UBE3C: variants seen among roughly 807,000 people sequenced by gnomAD.
The protein encoded by UBE3C is ubiquitin protein ligase E3C, also known as ubiquitin-protein ligase E3C.
UBE3C carries 42 observed loss-of-function variants against 129.4 expected under a neutral mutation model. That is an observed-to-expected ratio of 0.32 (90% CI 0.25 to 0.42). The LOEUF (loss-of-function observed/expected upper bound fraction) is 0.42. Ranked by LOEUF, UBE3C falls within the 10% of genes least tolerant of loss-of-function variation. The pLI, the probability that UBE3C is intolerant of heterozygous loss-of-function variation, is 1.00. For synonymous variants in UBE3C, 510 were observed against 492.4 expected (o/e 1.04, Z -0.47); for missense variants, 1,049 against 1,319.1 (o/e 0.80, Z 3.17).
chr7:157,219,339 T>C (rs149291005), intron 14 of UBE3C, among the ~76,000 whole-genome samples: 1,557 of 152,298 alleles, frequency 0.01, 25 homozygotes, highest in African/African-American at 0.035. Flanking sequence ...CACCAGCTGG[T>C]AGTACGGTGC....
At chr7:157,201,524 C>T (rs1041378651) in intron 10 of UBE3C, among the ~76,000 whole-genome samples, 197 bp from the exon 11 acceptor site, 6 of 150,834 alleles carry the variant, frequency 4.0e-5, no homozygotes, top group African/African-American at 1.2e-4. Flanking sequence ...CACAGATTTA[C>T]ACCTTTGGGA....
At chr7:157,212,162 A>C (rs1809613168) in intron 13 of UBE3C, among the ~76,000 whole-genome samples, 1 of 152,210 alleles carries the variant, frequency 6.6e-6, no homozygotes. Flanking sequence ...TGCTTTTTAA[A>C]GAACTAACTC....
intron 1 of UBE3C, among the ~76,000 whole-genome samples, chr7:157,154,526 C>A (rs1807850103): frequency 6.6e-6 from 1 of 152,058 alleles, no homozygotes; most frequent in South Asian, 2.1e-4. Flanking sequence ...TCCATATCGG[C>A]ATCTTTATAT....
chr7:157,205,117 T>C (rs1435774863), intron 11 of UBE3C, among the ~76,000 whole-genome samples: 2 of 152,222 alleles, frequency 1.3e-5, no homozygotes, highest in Non-Finnish European at 2.9e-5. Flanking sequence ...TGACCTGTTT[T>C]CAGAGGAATA....
rs1472061141 is a variant in UBE3C at position 157,268,153 on chromosome 7, T to TA, written c.*399dup. On this transcript the variant is annotated 3_prime_UTR_variant, in exon 23 of 23. Coordinates refer to ENST00000348165, the MANE Select transcript of UBE3C (RefSeq NM_014671.3). ...GACAGGGCTGCACAGGCGGCAGAGA[T>TA]ACAGGGTCTGAGGGCTGAGACGCCA... 2 of 156,878 alleles carry TA rather than the reference T, an allele frequency of 1.3e-5. No homozygotes were observed. The highest frequency in any genetic ancestry group is 1.3e-4 in the Admixed American group (2 of 15,386). The allele number at this position is 156,878 out of a possible 1,614,324, so 9.7% of individuals were successfully genotyped here. A position where few individuals can be genotyped will look rare whatever the true frequency, so the allele number is the denominator to read the frequency against.
intron 10 of UBE3C, among the ~76,000 whole-genome samples, chr7:157,187,999 G>A (rs1467766233): frequency 2.0e-5 from 3 of 152,252 alleles, no homozygotes; most frequent in Admixed American, 2.0e-4. Flanking sequence ...TAAAAATATG[G>A]CCTGTTTGTG....
At position 157,242,537 on chromosome 7, in the gene UBE3C, T is replaced by TA. The variant is rs1554436968; in HGVS notation, c.2482-5828dup. Among the ~76,000 whole-genome samples, 1,730 of 140,488 alleles carry TA rather than the reference T, an allele frequency of 0.012. 72 individuals carry two copies. In the East Asian group the frequency reaches 0.12, roughly 10 times the overall value. The allele number at this position is 140,488 out of a possible 152,430, so 92.2% of individuals were successfully genotyped here. ...TTGTTTTTTTTTTTTTTTTTTTTTT[T>TA]AAATTCCTACTGTCTTTCAGAAGCA... is the stretch of plus-strand genomic sequence containing the variant. On this transcript the variant is annotated intron_variant, in intron 18 of 22. Coordinates refer to ENST00000348165, the MANE Select transcript of UBE3C (RefSeq NM_014671.3).
chr7:157,188,346 A>G (rs1051752156), intron 10 of UBE3C, among the ~76,000 whole-genome samples: 1 of 152,222 alleles, frequency 6.6e-6, no homozygotes, highest in African/African-American at 2.4e-5. Context: ...ATGGCCTTGT[A>G]AACACTAATG....
chr7:157,266,924 T>C (rs1016132611), intron 22 of UBE3C, among the ~76,000 whole-genome samples: 2 of 152,068 alleles, frequency 1.3e-5, no homozygotes, highest in South Asian at 4.1e-4. Context: ...TTATTTTTAG[T>C]GGAAATGAGG....
chr7:157,185,372 A>C (rs940745131), intron 9 of UBE3C, among the ~76,000 whole-genome samples: 74 of 152,202 alleles, frequency 4.9e-4, no homozygotes, highest in African/African-American at 1.6e-3. Context: ...ATATTACTCT[A>C]TATTCTTTTT....
rs556673204 is a variant in UBE3C, at chr7:157,220,716, A to G, written c.1942A>G (p.Arg648Gly). The part of the protein sequence containing the change: ...KVTQLYVPAS[R>G]HVWRFRRMGR... ...CACTCAGCTCTATGTGCCAGCATCCAGACATGTGTGGAGGTTCCGGCGGAT... is the reference window on the plus strand; with the variant it reads ...CACTCAGCTCTATGTGCCAGCATCCGGACATGTGTGGAGGTTCCGGCGGAT... Residue 648 changes from arginine (R) to glycine (G), a missense_variant, in exon 15 of 23, where the codon AGA becomes GGA. Transcript: ENST00000348165. 6.2e-7 allele frequency: 1 copy of G among 1,614,184 alleles called. No homozygotes were observed. Among genetic ancestry groups the G allele is most frequent in the East Asian group, 2.2e-5 (1 of 44,892 alleles).
chr7:157,242,467 A>G (rs1007642925), intron 18 of UBE3C, among the ~76,000 whole-genome samples: 1 of 150,956 alleles, frequency 6.6e-6, no homozygotes, highest in Non-Finnish European at 1.5e-5. Context: ...CTAATTGTTG[A>G]AAATAGTTCT....
chr7:157,192,336 G>T, intron 10 of UBE3C: 4 of 565,210 alleles, frequency 7.1e-6, no homozygotes, highest in Non-Finnish European at 9.8e-6. Flanking sequence ...CTTCCTTTTC[G>T]ATCCGCCATC....
At chr7:157,171,652 TAA>T (rs1323300049) in intron 4 of UBE3C, among the ~76,000 whole-genome samples, 13 of 139,636 alleles carry the variant, frequency 9.3e-5, no homozygotes, top group Middle Eastern at 3.3e-3. Flanking sequence ...TATACATTTT[TAA>T]ATATTTTATA....
At chr7:157,179,613 C>T (rs937079879) in intron 6 of UBE3C, among the ~76,000 whole-genome samples, 3 of 152,124 alleles carry the variant, frequency 2.0e-5, no homozygotes, top group Non-Finnish European at 4.4e-5. Flanking sequence ...CTCCTGGGCT[C>T]GAGAAGTATT....
chr7:157,238,153 A>G (rs1796201482), intron 18 of UBE3C, among the ~76,000 whole-genome samples: 1 of 152,222 alleles, frequency 6.6e-6, no homozygotes. Context: ...ATAAAAGCCA[A>G]ATGAAGGTAT....
chr7:157,250,983 A>C (rs970964398), intron 19 of UBE3C, among the ~76,000 whole-genome samples: 1 of 152,238 alleles, frequency 6.6e-6, no homozygotes, highest in Admixed American at 6.5e-5. Context: ...GGAATCTGTT[A>C]AAAGCAAAAG....
chr7:157,178,792 T>C lies in UBE3C; in HGVS notation c.561T>C (p.Asp187=), dbSNP rs1308784140. 4 of 1,614,136 alleles carry C rather than the reference T, an allele frequency of 2.5e-6. No individual in the cohort carries two copies. The highest frequency in any genetic ancestry group is 1.3e-5 in the African/African-American group (1 of 74,954). The change falls in exon 6 of 23, where the codon GAT becomes GAC. Residue 187 remains aspartate (D), a synonymous_variant. Transcript: ENST00000348165. ...SENTYLPVLQ[D]ASYVVSVIEQ... is the part of the protein sequence containing the mutation. Reference sequence around the variant, plus strand: ...ATACTTACTTGCCTGTTTTACAAGATGCTAGCTATGTGGTGTCAGTGATTG... The same window carrying C: ...ATACTTACTTGCCTGTTTTACAAGACGCTAGCTATGTGGTGTCAGTGATTG...
At chr7:157,232,506 C>A (rs558911885) in intron 18 of UBE3C, among the ~76,000 whole-genome samples, 1 of 152,116 alleles carries the variant, frequency 6.6e-6, no homozygotes, top group Non-Finnish European at 1.5e-5. Flanking sequence ...TGCACCACCA[C>A]GCCCAGCTAA....
Sources: allele counts gnomAD v4.1 joint callset (sites outside exome capture counted in the v4.1 genomes callset), GRCh38; gene constraint gnomAD v4.1.1; transcripts MANE v1.5; gene names NCBI Gene and HGNC (gene_info 2026-07-23, HGNC 2026-07-21).